SEC62: variants seen among roughly 807,000 people sequenced by gnomAD.
SEC62 encodes the protein SEC62 preprotein translocation factor.
SEC62 carries 10 observed loss-of-function variants against 47.5 expected under a neutral mutation model. The observed-to-expected ratio is 0.21, with a 90% CI of 0.13 to 0.36. SEC62 has a LOEUF of 0.36. Among genes scored for constraint, SEC62 ranks in the 10% least tolerant of loss-of-function variants. The probability of loss-of-function intolerance (pLI) is 1.00; values close to 1 mark genes in which losing one functional copy is unlikely to be tolerated. For synonymous variants in SEC62, 136 were observed against 150.5 expected, an observed-to-expected ratio of 0.90 and a Z score of 0.71; for missense variants, 327 against 464.1, an observed-to-expected ratio of 0.70 and a Z score of 2.71.
chr3:169,970,274 T>A (rs1312623151), intron 1 of SEC62, among the ~76,000 whole-genome samples: 1 of 152,240 alleles, frequency 6.6e-6, no homozygotes, highest in Non-Finnish European at 1.5e-5. Context: ...TAAGGTCCCC[T>A]CCAGCTTTCA....
chr3:169,972,980 G>A (rs924124410), intron 1 of SEC62, among the ~76,000 whole-genome samples: 6 of 152,102 alleles, frequency 3.9e-5, no homozygotes, highest in African/African-American at 1.4e-4. Context: ...TCGATTTTAA[G>A]TTGACAACAG....
chr3:169,975,661 C>T lies in SEC62; in HGVS notation c.90C>T (p.Phe30=). The change falls in exon 2 of 8, where the codon TTC becomes TTT. Residue 30 remains phenylalanine, a synonymous_variant. Transcript: ENST00000337002. ...AGGCTGTGGCCAAGTATCTTCGATT[C>T]AACTGTCCAACAAAGTCCACCAATA... ...EEKAVAKYLR[F]NCPTKSTNMM... The T allele has an allele frequency of 6.2e-7, 1 of 1,613,832 alleles. No individual in the cohort carries two copies. Among genetic ancestry groups the T allele is most frequent in the Non-Finnish European group, 8.5e-7 (1 of 1,179,812 alleles).
intron 1 of SEC62, among the ~76,000 whole-genome samples, chr3:169,971,425 A>G (rs1234488953): frequency 6.6e-6 from 1 of 152,214 alleles, no homozygotes; most frequent in Non-Finnish European, 1.5e-5. Flanking sequence ...CGCCAAAGCA[A>G]TGGCACAAAT....
chr3:169,973,694 A>G (rs908646576), intron 1 of SEC62, among the ~76,000 whole-genome samples: 3 of 152,010 alleles, frequency 2.0e-5, no homozygotes, highest in African/African-American at 7.2e-5. Flanking sequence ...TTTTTGTGAT[A>G]CGTATTTTCA....
At chr3:169,991,331 A>ATC (rs1185659319) in intron 7 of SEC62, among the ~76,000 whole-genome samples, 1 of 152,192 alleles carries the variant, frequency 6.6e-6, no homozygotes, top group South Asian at 2.1e-4. Context: ...CTGAGGTGAG[A>ATC]GGATCACATA....
At chr3:169,985,742 T>C (rs1715089568) in intron 5 of SEC62, 63 bp from the exon 6 acceptor site, 2 of 1,313,526 alleles carry the variant, frequency 1.5e-6, no homozygotes, top group East Asian at 4.7e-5. Context: ...AATATAGAAT[T>C]AAGCATTACT....
At chr3:169,981,273 A>G (rs148289531) in intron 3 of SEC62, among the ~76,000 whole-genome samples, 3,501 of 152,326 alleles carry the variant, frequency 0.023, 121 homozygotes, top group Non-Finnish European at 0.025. Flanking sequence ...AAATGAGGAA[A>G]CCTAGAAATT....
chr3:169,985,988 T>C lies in SEC62; in HGVS notation c.610+123T>C, dbSNP rs148343428. ...AATAGTTGTCATTTTAAAAATACTT[T>C]AAATAAAGTCAGAAGATAAATAATA... is the stretch of plus-strand genomic sequence containing the variant. On this transcript the variant is annotated intron_variant, in intron 6 of 7. Coordinates refer to ENST00000337002, the MANE Select transcript of SEC62 (RefSeq NM_003262.4). The C allele has an allele frequency of 1.0e-3, 591 of 593,678 alleles. 4 individuals are homozygous for C. The African/African-American group carries it at 0.01, about 10-fold the overall frequency. 36.8% of individuals were successfully genotyped at this position (593,678 alleles called of 1,614,324 possible). A position where few individuals can be genotyped will look rare whatever the true frequency, so the allele number is the denominator to read the frequency against.
Position 169,998,324 on chromosome 3 carries a change from TGATA to T in SEC62, c.*5265_*5268del, listed in dbSNP as rs937330710. 1 of 152,238 alleles carries T rather than the reference TGATA, an allele frequency of 6.6e-6. No homozygotes were observed. The highest frequency in any genetic ancestry group is 1.5e-5 in the Non-Finnish European group (1 of 68,036). The allele number at this position is 152,238 out of a possible 1,614,324, so 9.4% of individuals were successfully genotyped here. ...ACATGTGTTATGTGATGTTTTGTTT[TGATA>T]GATTATATCTTACTCCTAAATAAAA... On this transcript the variant is annotated 3_prime_UTR_variant, in exon 8 of 8. Coordinates refer to ENST00000337002, the MANE Select transcript of SEC62 (RefSeq NM_003262.4).
intron 6 of SEC62, 100 bp from the exon 7 acceptor site, chr3:169,988,138 TTA>T (rs1331121238): frequency 2.3e-6 from 3 of 1,328,580 alleles, no homozygotes; most frequent in South Asian, 1.3e-5. Context: ...TTCACTGTGT[TTA>T]TGTTTCTCAG....
At chr3:169,967,704 G>C (rs1033018700) in intron 1 of SEC62, among the ~76,000 whole-genome samples, 1 of 152,140 alleles carries the variant, frequency 6.6e-6, no homozygotes, top group Non-Finnish European at 1.5e-5. Flanking sequence ...CTTGGACTCA[G>C]GATATTTATT....
At chr3:169,989,069 C>T (rs755757316) in intron 7 of SEC62, among the ~76,000 whole-genome samples, 3 of 150,802 alleles carry the variant, frequency 2.0e-5, no homozygotes, top group Admixed American at 6.6e-5. Context: ...ATGAATTTTC[C>T]GCATTTCTGG....
rs1170309788 is a variant in SEC62, at chr3:169,975,731, G to T, written c.145+15G>T. On this transcript the variant is annotated intron_variant, in intron 2 of 7. Transcript: ENST00000337002. Reference sequence around the variant, plus strand: ...TTATTTTATTGGTAGGATTATATCAGTAAAATCGTATTAGTGTACATATGT... The same window carrying T: ...TTATTTTATTGGTAGGATTATATCATTAAAATCGTATTAGTGTACATATGT... 1 of 1,512,040 alleles carries T rather than the reference G, an allele frequency of 6.6e-7. No individual in the cohort carries two copies. Among genetic ancestry groups the T allele is most frequent in the African/African-American group, 1.4e-5 (1 of 72,904 alleles). 93.7% of individuals were successfully genotyped at this position (1,512,040 alleles called of 1,614,324 possible). A position where few individuals can be genotyped will look rare whatever the true frequency, so the allele number is the denominator to read the frequency against.
intron 3 of SEC62, among the ~76,000 whole-genome samples, chr3:169,980,993 A>AT (rs964418041): frequency 3.3e-5 from 5 of 152,056 alleles, no homozygotes; most frequent in African/African-American, 9.7e-5. Context: ...TTCATTATAG[A>AT]TTTTTTTTGT....
At chr3:169,988,713 A>G (rs1440641282) in intron 7 of SEC62, among the ~76,000 whole-genome samples, 2 of 152,144 alleles carry the variant, frequency 1.3e-5, no homozygotes, top group African/African-American at 2.4e-5. Context: ...TTTCTTGCCT[A>G]TCATTTATTG....
intron 2 of SEC62, among the ~76,000 whole-genome samples, 195 bp from the exon 3 acceptor site, chr3:169,976,751 A>C (rs748874805): frequency 6.6e-6 from 1 of 152,348 alleles, no homozygotes; most frequent in Non-Finnish European, 1.5e-5. Context: ...CATTACTTTT[A>C]AAAGATACTT....
At chr3:169,982,547 G>A (rs1015271929) in intron 3 of SEC62, 160 bp from the exon 4 acceptor site, 2 of 759,110 alleles carry the variant, frequency 2.6e-6, no homozygotes, top group Non-Finnish European at 2.3e-6. Flanking sequence ...TTTTGATTTA[G>A]TGGTAGAGTT....
At chr3:169,980,501 G>A (rs1331371777) in intron 3 of SEC62, among the ~76,000 whole-genome samples, 1 of 152,166 alleles carries the variant, frequency 6.6e-6, no homozygotes, top group African/African-American at 2.4e-5. Context: ...TTGATTGAAA[G>A]TTAATAATCT....
intron 4 of SEC62, 102 bp from the exon 5 acceptor site, chr3:169,983,059 A>G (rs1715019701): frequency 4.8e-6 from 7 of 1,455,728 alleles, no homozygotes; most frequent in Non-Finnish European, 6.5e-6. Context: ...GAGAATTTTT[A>G]TTTCTGTGTT....
Sources: gnomAD v4.1 joint callset for allele counts (sites outside exome capture counted in the v4.1 genomes callset) on GRCh38, gnomAD v4.1.1 for gene constraint, MANE v1.5 for transcripts, NCBI Gene and HGNC (gene_info 2026-07-23, HGNC 2026-07-21) for gene names.